Variants in KSR2 observed in about 807,000 individuals in gnomAD.
KSR2 encodes the protein kinase suppressor of ras 2.
In KSR2, 25 loss-of-function variants were observed where a neutral mutation model predicts 107.8. The ratio of observed to expected loss-of-function variants is 0.23; its 90% CI spans 0.17 to 0.32. The LOEUF is 0.32. Ranked by LOEUF, KSR2 falls within the 10% of genes least tolerant of loss-of-function variation. KSR2 has a pLI of 1.00. For missense variants in KSR2, 887 were observed against 1,268.9 expected (o/e 0.70, Z 4.57); for synonymous variants, 480 against 507.0 (o/e 0.95, Z 0.71).
chr12:117,604,837 G>A (rs2393237), intron 5 of KSR2, among the ~76,000 whole-genome samples: 67,422 of 152,010 alleles, frequency 0.44, 15,945 homozygotes, highest in South Asian at 0.67. Context: ...CCCATCTGAC[G>A]GAGGTGGCCC....
chr12:117,877,700 A>T (rs1424037119), intron 1 of KSR2, among the ~76,000 whole-genome samples: 1 of 152,170 alleles, frequency 6.6e-6, no homozygotes, highest in Non-Finnish European at 1.5e-5. Flanking sequence ...GATAAAACAC[A>T]AGGAGGGAGG....
Position 117,648,290 on chromosome 12 carries a change from C to T in KSR2, c.1171+19184G>A, listed in dbSNP as rs186591818. 1.2e-3 allele frequency among the ~76,000 whole-genome samples: 180 copies of T among 149,908 alleles called. 1 individual carries two copies. The highest frequency in any genetic ancestry group is 4.2e-3 in the African/African-American group (171 of 40,506). ...ATGACTGACTTGGACTGGACGTTGA[C>T]TGCCTTCTTTAGAAGTGGAGGAGGA... is the stretch of plus-strand genomic sequence containing the variant. On this transcript the variant is annotated intron_variant, in intron 5 of 19. Transcript: ENST00000339824.
chr12:117,802,231 G>A (rs997260741), intron 3 of KSR2, among the ~76,000 whole-genome samples: 2 of 151,942 alleles, frequency 1.3e-5, no homozygotes, highest in Non-Finnish European at 2.9e-5. Flanking sequence ...CTCCCAAGCC[G>A]TTGGTGTAGC....
At chr12:117,782,118 A>C (rs762460986) in intron 3 of KSR2, among the ~76,000 whole-genome samples, 8 of 152,178 alleles carry the variant, frequency 5.3e-5, no homozygotes, top group Non-Finnish European at 1.0e-4. Context: ...TTGAGTGCAT[A>C]CTATGGAGCA....
In KSR2 at chr12:117,484,399, T is replaced by C. The variant is rs575630194; in HGVS notation, c.2450+17A>G. 5 of 1,613,380 alleles carry C rather than the reference T, an allele frequency of 3.1e-6. No homozygotes were observed. The highest frequency in any genetic ancestry group is 4.2e-6 in the Non-Finnish European group (5 of 1,179,622). ...CATCTGTCAGGAAACTCTCCGGGTC[T>C]TCCCACTGCCTCTCACCTGCCAGCC... On this transcript the variant is annotated intron_variant, in intron 16 of 19. Transcript: ENST00000339824.
chr12:117,523,131 A>AC (rs1163481676), intron 14 of KSR2, among the ~76,000 whole-genome samples: 1 of 152,182 alleles, frequency 6.6e-6, no homozygotes, highest in Non-Finnish European at 1.5e-5. Context: ...ACTCCAGTCA[A>AC]CCCACCATCT....
intron 9 of KSR2, among the ~76,000 whole-genome samples, chr12:117,543,802 G>T (rs1458301602): frequency 2.0e-5 from 3 of 152,156 alleles, no homozygotes; most frequent in Non-Finnish European, 4.4e-5. Flanking sequence ...TATTGGCAAG[G>T]CCGTGTCTCA....
At chr12:117,584,001 C>T (rs886700986) in intron 5 of KSR2, among the ~76,000 whole-genome samples, 1 of 152,146 alleles carries the variant, frequency 6.6e-6, no homozygotes, top group African/African-American at 2.4e-5. Flanking sequence ...ACTCGCTCCT[C>T]TATTCTGTCT....
intron 1 of KSR2, among the ~76,000 whole-genome samples, chr12:117,895,901 A>C (rs1894495732): frequency 6.6e-6 from 1 of 152,174 alleles, no homozygotes; most frequent in Non-Finnish European, 1.5e-5. Context: ...TCTACTAAAA[A>C]TACAAAAATT....
intron 5 of KSR2, among the ~76,000 whole-genome samples, chr12:117,624,398 TG>T (rs773263093): frequency 2.0e-5 from 3 of 152,268 alleles, no homozygotes; most frequent in Non-Finnish European, 4.4e-5. Context: ...AATTAATTTT[TG>T]TATAAGGTGT....
At chr12:117,674,135 A>G in intron 4 of KSR2, 1 of 387,684 alleles carries the variant, frequency 2.6e-6, no homozygotes, top group South Asian at 1.9e-5. Flanking sequence ...GGAATCTGGG[A>G]AAACTCTTCC....
At chr12:117,736,283 G>A (rs1286697014) in intron 4 of KSR2, among the ~76,000 whole-genome samples, 1 of 152,140 alleles carries the variant, frequency 6.6e-6, no homozygotes, top group Non-Finnish European at 1.5e-5. Flanking sequence ...AAAATGTAAA[G>A]TGATCAAGTC....
chr12:117,814,980 G>A (rs1298008623), intron 3 of KSR2, among the ~76,000 whole-genome samples: 1 of 152,152 alleles, frequency 6.6e-6, no homozygotes, highest in African/African-American at 2.4e-5. Context: ...TGATCAAAGG[G>A]TGTGGCCAAA....
intron 3 of KSR2, among the ~76,000 whole-genome samples, chr12:117,851,395 A>C (rs1030577273): frequency 2.6e-5 from 4 of 152,096 alleles, no homozygotes; most frequent in Non-Finnish European, 5.9e-5. Context: ...TCGAGACCAA[A>C]CTGGGCAATG....
chr12:117,643,561 A>C, intron 5 of KSR2, among the ~76,000 whole-genome samples: 1 of 152,340 alleles, frequency 6.6e-6, no homozygotes, highest in South Asian at 2.1e-4. Context: ...TTAAACTAAA[A>C]GTTTGTTTAT....
chr12:117,591,330 C>T (rs1043642831), intron 5 of KSR2, among the ~76,000 whole-genome samples: 1 of 152,084 alleles, frequency 6.6e-6, no homozygotes, highest in Non-Finnish European at 1.5e-5. Flanking sequence ...GAGAGAAGAC[C>T]TGGAGGAGTC....
intron 10 of KSR2, among the ~76,000 whole-genome samples, chr12:117,537,155 G>C (rs1215508123): frequency 1.3e-5 from 2 of 152,320 alleles, no homozygotes; most frequent in Admixed American, 6.5e-5. Flanking sequence ...GGAGGTTGCA[G>C]TGAACCAAGA....
At chr12:117,934,539 G>A (rs1325650799) in intron 1 of KSR2, among the ~76,000 whole-genome samples, 2 of 152,048 alleles carry the variant, frequency 1.3e-5, no homozygotes, top group Non-Finnish European at 2.9e-5. Flanking sequence ...TCAAGTACCT[G>A]GATCTAGCCA....
intron 4 of KSR2, among the ~76,000 whole-genome samples, chr12:117,688,304 C>T (rs1429761928): frequency 5.3e-5 from 8 of 152,272 alleles, no homozygotes; most frequent in South Asian, 2.1e-4. Flanking sequence ...CGCTTGAACC[C>T]GGGAGGCGGA....
Sources: gnomAD v4.1 joint callset for allele counts (sites outside exome capture counted in the v4.1 genomes callset) on GRCh38, gnomAD v4.1.1 for gene constraint, MANE v1.5 for transcripts, NCBI Gene and HGNC (gene_info 2026-07-23, HGNC 2026-07-21) for gene names.